The following AGO3 variants were observed in gnomAD, a reference collection of about 807,000 sequenced individuals.
The protein encoded by AGO3 is protein argonaute-3.
AGO3 carries 16 observed loss-of-function variants against 105.5 expected under a neutral mutation model. That is an observed-to-expected ratio of 0.15 (90% CI 0.10 to 0.23). The LOEUF is 0.23. Ranked by LOEUF, AGO3 falls within the 10% of genes least tolerant of loss-of-function variation. The pLI, the probability that AGO3 is intolerant of heterozygous loss-of-function variation, is 1.00. For synonymous variants in AGO3, 340 were observed against 367.3 expected (o/e 0.93, Z 0.85); for missense variants, 534 against 1,088.0 (o/e 0.49, Z 7.16).
In AGO3 at chr1:35,939,719, C is replaced by G. The variant is rs1330389080; in HGVS notation, c.20-5973C>G. Among the ~76,000 whole-genome samples, 2 of 152,036 alleles carry G rather than the reference C, an allele frequency of 1.3e-5. 1 individual carries two copies. The highest frequency in any genetic ancestry group is 2.9e-5 in the Non-Finnish European group (2 of 68,004). ...GGATAGTAAGAAGAGATGACACATG[C>G]AAAGGAAATGGCCATTTCTCTCTTT... is the stretch of plus-strand genomic sequence containing the variant. On this transcript the variant is annotated intron_variant, in intron 1 of 18. Coordinates refer to ENST00000373191, the MANE Select transcript of AGO3 (RefSeq NM_024852.4).
intron 17 of AGO3, among the ~76,000 whole-genome samples, chr1:36,052,610 A>G (rs529389454): frequency 2.0e-5 from 3 of 152,332 alleles, no homozygotes; most frequent in African/African-American, 7.2e-5. Flanking sequence ...TTTGATCATT[A>G]TACATTATAT....
intron 5 of AGO3, among the ~76,000 whole-genome samples, chr1:35,995,271 T>C (rs1569677229): frequency 6.7e-6 from 1 of 149,628 alleles, no homozygotes; most frequent in East Asian, 1.9e-4. Context: ...CTAAGATTTA[T>C]ATGCTGGTAC....
At chr1:35,966,779 G>T (rs1646782878) in intron 2 of AGO3, among the ~76,000 whole-genome samples, 176 bp from the exon 3 acceptor site, 1 of 152,058 alleles carries the variant, frequency 6.6e-6, no homozygotes, top group Non-Finnish European at 1.5e-5. Context: ...TCATCTTTTG[G>T]CAATAATCAA....
In AGO3 at chr1:36,063,424, G is replaced by T. The variant is rs1643048480; in HGVS notation, c.*7679G>T. 2 of 151,920 alleles carry T rather than the reference G, an allele frequency of 1.3e-5. No individual in the cohort carries two copies. The highest frequency in any genetic ancestry group is 2.9e-5 in the Non-Finnish European group (2 of 67,998). The allele number at this position is 151,920 out of a possible 1,614,324, so 9.4% of individuals were successfully genotyped here. A position where few individuals can be genotyped will look rare whatever the true frequency, so the allele number is the denominator to read the frequency against. ...AAATGGTCACATTTTTCAGCATTAG[G>T]ATTAAGATACCATTTTTGTAGGCCT... On this transcript the variant is annotated 3_prime_UTR_variant, in exon 19 of 19. Transcript: ENST00000373191.
chr1:35,939,988 A>G (rs1254248857), intron 1 of AGO3, among the ~76,000 whole-genome samples: 2 of 152,284 alleles, frequency 1.3e-5, no homozygotes, highest in East Asian at 3.9e-4. Flanking sequence ...CAAAATAATA[A>G]TCACTTATAA....
Position 36,059,599 on chromosome 1 carries a change from A to T in AGO3, c.*3854A>T, listed in dbSNP as rs1284983993. On this transcript the variant is annotated 3_prime_UTR_variant, in exon 19 of 19. Coordinates refer to ENST00000373191, the MANE Select transcript of AGO3 (RefSeq NM_024852.4). ...TGAAGAAGAGTTGGGAGTTTAATGTATATTCTTGATGGTTAATGTGTCTAC... is the reference window on the plus strand; with the variant it reads ...TGAAGAAGAGTTGGGAGTTTAATGTTTATTCTTGATGGTTAATGTGTCTAC... The T allele has an allele frequency of 1.3e-5, 2 of 151,348 alleles. No homozygotes were observed. Among genetic ancestry groups the T allele is most frequent in the Admixed American group, 1.3e-4 (2 of 15,064 alleles). 9.4% of individuals were successfully genotyped at this position (151,348 alleles called of 1,614,324 possible).
In AGO3 at chr1:36,068,440, G is replaced by A. The variant is rs1416965695; in HGVS notation, c.*12695G>A. 2 of 152,186 alleles carry A rather than the reference G, an allele frequency of 1.3e-5. No individual in the cohort carries two copies. The highest frequency in any genetic ancestry group is 1.3e-4 in the Admixed American group (2 of 15,276). 9.4% of individuals were successfully genotyped at this position (152,186 alleles called of 1,614,324 possible). ...AACTTCTCAGGAGGATGAGGCAGGA[G>A]GATAGTTGAGCCCAGGAGTTTAAAG... On this transcript the variant is annotated 3_prime_UTR_variant, in exon 19 of 19. Coordinates refer to ENST00000373191, the MANE Select transcript of AGO3 (RefSeq NM_024852.4).
In AGO3 at chr1:36,016,596, A is replaced by AT. The variant is rs572086917; in HGVS notation, c.1406+2559dup. 8.9e-3 allele frequency among the ~76,000 whole-genome samples: 1,315 copies of AT among 147,166 alleles called. 19 individuals carry two copies. The highest frequency in any genetic ancestry group is 0.029 in the African/African-American group (1,176 of 40,440). On this transcript the variant is annotated intron_variant, in intron 11 of 18. Transcript: ENST00000373191. ...TTATCCCCTTTGATCTATCCCCCCA[A>AT]TTTTTTTTTTTAATGGATTGGCATT...
Position 35,988,017 on chromosome 1 carries a change from G to A in AGO3, c.658+14506G>A, listed in dbSNP as rs576702000. Among the ~76,000 whole-genome samples, 14 of 152,014 alleles carry A rather than the reference G, an allele frequency of 9.2e-5. No individual in the cohort carries two copies. The East Asian group carries it at 2.5e-3, about 27-fold the overall frequency. On this transcript the variant is annotated intron_variant, in intron 5 of 18. Transcript: ENST00000373191. ...CGGGAGGCGGAGGTTGCAGTGAGCC[G>A]AGATCTTGCCACTGTACTCCAGCCT...
chr1:35,995,897 C>T lies in AGO3; in HGVS notation c.659-8444C>T, dbSNP rs140621834. Reference sequence around the variant, plus strand: ...TTTACCATGTTGGCCAGGCTGGTCTCGAACTCCCTGACCTCAAGTGATGCA... The same window carrying T: ...TTTACCATGTTGGCCAGGCTGGTCTTGAACTCCCTGACCTCAAGTGATGCA... On this transcript the variant is annotated intron_variant, in intron 5 of 18. Transcript: ENST00000373191. Among the ~76,000 whole-genome samples the T allele has an allele frequency of 2.4e-4, 36 of 152,168 alleles. 1 individual carries two copies. Among genetic ancestry groups the T allele is most frequent in the African/African-American group, 7.7e-4 (32 of 41,520 alleles).
intron 12 of AGO3, among the ~76,000 whole-genome samples, chr1:36,031,356 A>G (rs752862149): frequency 3.2e-4 from 48 of 151,930 alleles, no homozygotes; most frequent in Non-Finnish European, 2.2e-4. Flanking sequence ...TCCTTCATTT[A>G]TGATTTCTGA....
At position 35,972,095 on chromosome 1, in the gene AGO3, C is replaced by T. The variant is rs770206914; in HGVS notation, c.384C>T (p.Val128=). 2 of 1,614,108 alleles carry T rather than the reference C, an allele frequency of 1.2e-6. No homozygotes were observed. Among genetic ancestry groups the T allele is most frequent in the Non-Finnish European group, 1.7e-6 (2 of 1,180,032 alleles). Residue 128 remains valine (V), a synonymous_variant, in exon 4 of 19, where the codon GTC becomes GTT. Coordinates refer to ENST00000373191, the MANE Select transcript of AGO3 (RefSeq NM_024852.4). The stretch of plus-strand genomic sequence containing the variant: ...CTTTCAAGGTGTCAATCAAATTTGT[C>T]TCTCGGGTGAGTTGGCACCTACTGC... The part of the protein sequence containing the change: ...DRPFKVSIKF[V]SRVSWHLLHE...
chr1:36,028,514 C>T lies in AGO3; in HGVS notation c.1591+1216C>T, dbSNP rs564553121. Among the ~76,000 whole-genome samples the T allele has an allele frequency of 4.0e-5, 6 of 149,256 alleles. No individual in the cohort carries two copies. In the East Asian group the frequency reaches 5.9e-4, roughly 15 times the overall value. The stretch of plus-strand genomic sequence containing the variant: ...TGCGGTGTTTGGTTTTTTGTTCTTG[C>T]GATAGTTTACTGAGAATGATGATTT... On this transcript the variant is annotated intron_variant, in intron 12 of 18. Transcript: ENST00000373191.
At chr1:35,951,883 T>C (rs1189497768) in intron 2 of AGO3, among the ~76,000 whole-genome samples, 1 of 152,160 alleles carries the variant, frequency 6.6e-6, no homozygotes, top group Non-Finnish European at 1.5e-5. Context: ...GATGGATATA[T>C]AATTTACATG....
intron 1 of AGO3, among the ~76,000 whole-genome samples, chr1:35,936,585 G>A (rs1646150957): frequency 6.6e-6 from 1 of 152,092 alleles, no homozygotes; most frequent in Non-Finnish European, 1.5e-5. Flanking sequence ...GCCTCCCAGA[G>A]TGCTGGGATT....
intron 8 of AGO3, 28 bp downstream of exon 8, chr1:36,009,072 C>T (rs749916630): frequency 2.0e-6 from 3 of 1,512,872 alleles, no homozygotes; most frequent in African/African-American, 2.8e-5. Flanking sequence ...CTAATTAATA[C>T]CCTGTTGTTC....
At chr1:35,950,607 T>C (rs1275339146) in intron 2 of AGO3, among the ~76,000 whole-genome samples, 1 of 152,196 alleles carries the variant, frequency 6.6e-6, no homozygotes, top group Non-Finnish European at 1.5e-5. Context: ...ATTAAATGAT[T>C]TTGATTGAAT....
In AGO3 at chr1:36,008,684, GA is replaced by G. The variant is rs1640444137; in HGVS notation, c.794-4del. 6.2e-7 allele frequency: 1 copy of G among 1,613,360 alleles called. No individual in the cohort carries two copies. The highest frequency in any genetic ancestry group is 8.5e-7 in the Non-Finnish European group (1 of 1,179,694). On this transcript the variant is annotated splice_region_variant and splice_polypyrimidine_tract_variant and intron_variant, in intron 6 of 18. Transcript: ENST00000373191. This position sits in a 1 kb window ranked among gnomAD's most constrained non-coding sequence, Gnocchi z 5.1. ...CTGTAACCTCCATTTTTCTTGTTGG[GA>G]ACAGGTTTGAAGGTTGAAGTGACTC... is the stretch of plus-strand genomic sequence containing the variant.
chr1:36,028,236 G>GTAGT (rs1172433074), intron 12 of AGO3, among the ~76,000 whole-genome samples: 1 of 151,528 alleles, frequency 6.6e-6, no homozygotes, highest in Non-Finnish European at 1.5e-5. Context: ...TTTTTTGTTT[G>GTAGT]TATTTATTTA....
Sources: allele counts gnomAD v4.1 joint callset (sites outside exome capture counted in the v4.1 genomes callset), GRCh38; gene constraint gnomAD v4.1.1; non-coding constraint Gnocchi (gnomAD v3.1); transcripts MANE v1.5; gene names NCBI Gene and HGNC (gene_info 2026-07-23, HGNC 2026-07-21).